The following ZNF618 variants were observed in gnomAD, a reference collection of about 807,000 sequenced individuals.
The protein encoded by ZNF618 is zinc finger protein 618.
In ZNF618, 34 loss-of-function variants were observed where a neutral mutation model predicts 103.0. The observed-to-expected ratio is 0.33, with a 90% CI of 0.25 to 0.44. ZNF618 has a LOEUF of 0.44. Among genes scored for constraint, ZNF618 ranks in the 20% least tolerant of loss-of-function variants. The probability of loss-of-function intolerance (pLI) is 1.00; values close to 1 mark genes in which losing one functional copy is unlikely to be tolerated. For missense variants in ZNF618, 1,059 were observed against 1,295.4 expected (o/e 0.82, Z 2.80); for synonymous variants, 551 against 542.2 (o/e 1.02, Z -0.23).
intron 1 of ZNF618, among the ~76,000 whole-genome samples, chr9:113,883,739 G>A (rs1429253652): frequency 1.3e-5 from 2 of 152,076 alleles, no homozygotes; most frequent in Non-Finnish European, 2.9e-5. Flanking sequence ...GGTAGACATC[G>A]ATCCTCAGTG....
chr9:114,008,281 G>T, intron 7 of ZNF618, 63 bp from the exon 8 acceptor site: 1 of 1,603,506 alleles, frequency 6.2e-7, no homozygotes, highest in Non-Finnish European at 8.5e-7. Context: ...CTCTGGGCAG[G>T]GACTAACAGG....
chr9:114,028,587 T>C, intron 10 of ZNF618, 146 bp from the exon 11 acceptor site: 4 of 1,220,340 alleles, frequency 3.3e-6, no homozygotes, highest in Non-Finnish European at 3.3e-6. Context: ...TGGCTCTGAG[T>C]TAAGTGAGAA....
intron 1 of ZNF618, among the ~76,000 whole-genome samples, chr9:113,967,365 C>T (rs1273296151): frequency 6.6e-6 from 1 of 152,214 alleles, no homozygotes; most frequent in East Asian, 1.9e-4. Flanking sequence ...CCATTTTCTG[C>T]TTTCTTGTTT....
intron 1 of ZNF618, among the ~76,000 whole-genome samples, chr9:113,924,687 C>T (rs1321151025): frequency 1.3e-5 from 2 of 151,866 alleles, no homozygotes; most frequent in African/African-American, 4.8e-5. Flanking sequence ...CTAATCACTG[C>T]ACTTGCTGCT....
intron 3 of ZNF618, 73 bp from the exon 4 acceptor site, chr9:113,998,186 A>C (rs974933567): frequency 1.4e-6 from 2 of 1,399,024 alleles, no homozygotes; most frequent in African/African-American, 2.9e-5. Flanking sequence ...AGTGCAGCCA[A>C]CTTCGCCCCT....
intron 2 of ZNF618, among the ~76,000 whole-genome samples, chr9:113,986,609 C>G (rs1017281832): frequency 6.6e-6 from 1 of 152,144 alleles, no homozygotes; most frequent in Non-Finnish European, 1.5e-5. Context: ...AGCCACCAAT[C>G]CCCTCATGAA....
intron 2 of ZNF618, among the ~76,000 whole-genome samples, chr9:113,976,297 A>G (rs1201395444): frequency 6.6e-6 from 1 of 152,200 alleles, no homozygotes; most frequent in Non-Finnish European, 1.5e-5. Flanking sequence ...GCAAAGTAAG[A>G]AAGTTCTTCT....
At chr9:113,933,697 G>A (rs938312026) in intron 1 of ZNF618, among the ~76,000 whole-genome samples, 1 of 152,182 alleles carries the variant, frequency 6.6e-6, no homozygotes, top group Non-Finnish European at 1.5e-5. Flanking sequence ...ATGGTTTTGT[G>A]TGTTCTTCCA....
In ZNF618 at chr9:114,049,087, G is replaced by A. The variant is rs1845909216; in HGVS notation, c.1785G>A (p.Val595=). ...GADIRDSGDL[V]HHWVQNVLSE... The stretch of plus-strand genomic sequence containing the variant: ...ACATTCGCGACAGCGGTGACCTTGT[G>A]CACCACTGGGTGCAGAACGTGCTGT... Residue 595 remains valine (V), a synonymous_variant, in exon 15 of 15, where the codon GTG becomes GTA. Transcript: ENST00000374126. The A allele has an allele frequency of 2.5e-6, 4 of 1,613,868 alleles. No individual in the cohort carries two copies. The highest frequency in any genetic ancestry group is 3.4e-6 in the Non-Finnish European group (4 of 1,179,908).
intron 1 of ZNF618, among the ~76,000 whole-genome samples, chr9:113,917,074 A>G (rs1229374336): frequency 2.6e-5 from 4 of 152,062 alleles, no homozygotes; most frequent in Non-Finnish European, 5.9e-5. Context: ...AGATATTGCC[A>G]CAGTTCAGTC....
In ZNF618 at chr9:114,016,610, A is replaced by G. The variant is rs1842665240; in HGVS notation, c.755-85A>G. On this transcript the variant is annotated intron_variant, in intron 9 of 14. Transcript: ENST00000374126. ...AGTTGATGGTCCCAGAATGGGGAGG[A>G]GTTTTTTGGGGGGTGGGAGCACGCT... 10 of 967,740 alleles carry G rather than the reference A, an allele frequency of 1.0e-5. No homozygotes were observed. In the South Asian group the frequency reaches 1.4e-4, roughly 14 times the overall value. 59.9% of individuals were successfully genotyped at this position (967,740 alleles called of 1,614,324 possible).
At chr9:113,996,255 C>A (rs190829272) in intron 3 of ZNF618, among the ~76,000 whole-genome samples, 141 of 152,306 alleles carry the variant, frequency 9.3e-4, no homozygotes, top group Non-Finnish European at 1.8e-3. Context: ...CACTCCTGAA[C>A]ATTTGTTCTC....
chr9:113,962,897 A>G (rs1836993570), intron 1 of ZNF618, among the ~76,000 whole-genome samples: 1 of 152,024 alleles, frequency 6.6e-6, no homozygotes, highest in African/African-American at 2.4e-5. Flanking sequence ...GTCTCCCCCC[A>G]CTTGAATGTA....
chr9:113,892,170 G>A (rs1407909530), intron 1 of ZNF618, among the ~76,000 whole-genome samples: 1 of 152,168 alleles, frequency 6.6e-6, no homozygotes, highest in Admixed American at 6.5e-5. Flanking sequence ...TTGTCCCTTA[G>A]TATCCGTGGG....
At chr9:114,008,118 G>A (rs551064721) in intron 7 of ZNF618, among the ~76,000 whole-genome samples, 94 of 152,378 alleles carry the variant, frequency 6.2e-4, no homozygotes, top group African/African-American at 2.2e-3. Context: ...CCATCCTAGT[G>A]AGGACGAGGG....
chr9:113,896,542 C>T (rs551429800), intron 1 of ZNF618, among the ~76,000 whole-genome samples: 17 of 151,898 alleles, frequency 1.1e-4, no homozygotes, highest in South Asian at 4.2e-4. Context: ...CATCTGCTTG[C>T]GAAAGAAGTA....
chr9:113,970,782 G>A (rs1417397096), intron 2 of ZNF618, among the ~76,000 whole-genome samples: 3 of 151,320 alleles, frequency 2.0e-5, no homozygotes, highest in African/African-American at 7.3e-5. Flanking sequence ...GCCTGTTTAT[G>A]CTCTTTAATT....
intron 1 of ZNF618, among the ~76,000 whole-genome samples, chr9:113,932,051 A>G (rs1018523124): frequency 3.3e-5 from 5 of 152,202 alleles, no homozygotes; most frequent in African/African-American, 1.2e-4. Context: ...AGTGAATAAG[A>G]TAAGACTCCT....
chr9:113,890,344 A>G (rs1489954295), intron 1 of ZNF618, among the ~76,000 whole-genome samples: 1 of 152,184 alleles, frequency 6.6e-6, no homozygotes, highest in Non-Finnish European at 1.5e-5. Flanking sequence ...ATTTAAGTAC[A>G]TATGATTTTA....
Sources: gnomAD v4.1 joint callset for allele counts (sites outside exome capture counted in the v4.1 genomes callset) on GRCh38, gnomAD v4.1.1 for gene constraint, MANE v1.5 for transcripts, NCBI Gene and HGNC (gene_info 2026-07-23, HGNC 2026-07-21) for gene names.